Variants in ZSCAN2 observed in about 807,000 individuals in gnomAD.
ZSCAN2 encodes the protein zinc finger and SCAN domain-containing protein 2.
A neutral mutation model predicts 47.8 loss-of-function variants in ZSCAN2; 26 were observed. The ratio of observed to expected loss-of-function variants is 0.54; its 90% CI spans 0.40 to 0.75. ZSCAN2 has a LOEUF of 0.75. Among genes scored for constraint, ZSCAN2 ranks in the 30% least tolerant of loss-of-function variants. The pLI, the probability that ZSCAN2 is intolerant of heterozygous loss-of-function variation, is 0.00. For synonymous variants in ZSCAN2, 305 were observed against 288.7 expected, an observed-to-expected ratio of 1.06 and a Z score of -0.57; for missense variants, 732 against 785.4, an observed-to-expected ratio of 0.93 and a Z score of 0.81.
chr15:84,621,053 C>G lies in ZSCAN2; in HGVS notation c.858C>G (p.Ser286Arg). ...ACAAATGCAGAGACTGTGGGAAGAG[C>G]TTTAGCCGGAGTGCCAACCTCATAA... ...KPYKCRDCGK[S>R]FSRSANLITH... Residue 286 changes from serine to arginine, a missense_variant, in exon 3 of 3, where the codon AGC becomes AGG. Ser to Arg is a moderately radical substitution (Grantham distance 110). This residue lies in a region of ZSCAN2 where 412 missense variants were observed against 498.0 expected (regional missense o/e 0.83). Coordinates refer to ENST00000546148, the MANE Select transcript of ZSCAN2 (RefSeq NM_181877.4). The surrounding 1 kb of genome is among the most constrained non-coding windows in gnomAD (Gnocchi z 5.7). The G allele has an allele frequency of 6.2e-7, 1 of 1,614,156 alleles. No homozygotes were observed. The highest frequency in any genetic ancestry group is 1.3e-5 in the African/African-American group (1 of 75,056).
At chr15:84,603,008 G>A (rs931954509) in intron 1 of ZSCAN2, among the ~76,000 whole-genome samples, 1 of 152,130 alleles carries the variant, frequency 6.6e-6, no homozygotes, top group South Asian at 2.1e-4. Context: ...CTGAGGGGCC[G>A]AGGCTGGATT....
chr15:84,615,245 C>T (rs1286188825), intron 2 of ZSCAN2, among the ~76,000 whole-genome samples: 4 of 152,300 alleles, frequency 2.6e-5, no homozygotes, highest in Non-Finnish European at 5.9e-5. Flanking sequence ...TGAGCCACCA[C>T]GCCTGGCCTT....
In ZSCAN2 at chr15:84,621,050, G is replaced by A. The variant is rs777180755; in HGVS notation, c.855G>A (p.Lys285=). 1.2e-5 allele frequency: 19 copies of A among 1,614,002 alleles called. No homozygotes were observed. The highest frequency in any genetic ancestry group is 1.5e-5 in the Non-Finnish European group (18 of 1,180,036). Residue 285 remains lysine (K), a synonymous_variant, in exon 3 of 3, where the codon AAG becomes AAA. Transcript: ENST00000546148. The surrounding 1 kb of genome is among the most constrained non-coding windows in gnomAD (Gnocchi z 5.7). ...EKPYKCRDCG[K]SFSRSANLIT... ...CCTACAAATGCAGAGACTGTGGGAA[G>A]AGCTTTAGCCGGAGTGCCAACCTCA...
At chr15:84,618,136 G>A (rs113439226) in intron 2 of ZSCAN2, among the ~76,000 whole-genome samples, 1 of 152,120 alleles carries the variant, frequency 6.6e-6, no homozygotes, top group African/African-American at 2.4e-5. Context: ...GTCACTAGGA[G>A]TTCGAGCGCG....
Position 84,622,074 on chromosome 15 carries a change from G to A in ZSCAN2, c.*34G>A, listed in dbSNP as rs200001616. Reference sequence around the variant, plus strand: ...AGAGTGAAAGTGAGGGACTGGCCTGGAGTGGGAGTTGCCACACTGCCCCAA... The same window carrying A: ...AGAGTGAAAGTGAGGGACTGGCCTGAAGTGGGAGTTGCCACACTGCCCCAA... On this transcript the variant is annotated 3_prime_UTR_variant, in exon 3 of 3. Transcript: ENST00000546148. The A allele has an allele frequency of 7.0e-4, 1,070 of 1,535,942 alleles. 13 individuals carry two copies. In the South Asian group the frequency reaches 0.013, roughly 18 times the overall value.
At chr15:84,617,655 G>A (rs2141792997) in intron 2 of ZSCAN2, among the ~76,000 whole-genome samples, 1 of 152,156 alleles carries the variant, frequency 6.6e-6, no homozygotes, top group African/African-American at 2.4e-5. Context: ...GTGATCTTAT[G>A]GCCAGGCATG....
At chr15:84,620,390 G>T (rs1254587964) in intron 2 of ZSCAN2, among the ~76,000 whole-genome samples, 1 of 152,130 alleles carries the variant, frequency 6.6e-6, no homozygotes, top group Non-Finnish European at 1.5e-5. Flanking sequence ...TGTGAATAGT[G>T]CAGCATTGAA....
chr15:84,606,852 CT>C (rs1895397357), intron 2 of ZSCAN2: 3 of 1,208,092 alleles, frequency 2.5e-6, no homozygotes, highest in Non-Finnish European at 3.1e-6. Flanking sequence ...CTTTGTTGGT[CT>C]TTGTTTAATA....
chr15:84,620,499 T>C, intron 2 of ZSCAN2, 103 bp from the exon 3 acceptor site: 1 of 1,008,312 alleles, frequency 9.9e-7, no homozygotes, highest in Non-Finnish European at 1.5e-6. Flanking sequence ...AGCCTCTTTG[T>C]GTTCACTGGA....
At chr15:84,601,798 G>T (rs2141751283) in intron 1 of ZSCAN2, among the ~76,000 whole-genome samples, 1 of 152,014 alleles carries the variant, frequency 6.6e-6, no homozygotes, top group South Asian at 2.1e-4. Flanking sequence ...TTCCCTCCTC[G>T]GCCTCCCAAA....
chr15:84,603,337 G>A (rs558935218), intron 1 of ZSCAN2, among the ~76,000 whole-genome samples: 7 of 151,560 alleles, frequency 4.6e-5, no homozygotes, highest in Non-Finnish European at 1.0e-4. Context: ...GTTTTGGAAG[G>A]AACAATGCTG....
In ZSCAN2 at chr15:84,622,834, G is replaced by A. The variant is rs765432787; in HGVS notation, c.*794G>A. ...ACCAGGGGAACACATTTGTTCTCGT[G>A]GGGTTTTGTCCTGGAGAGTGTAGTG... On this transcript the variant is annotated 3_prime_UTR_variant, in exon 3 of 3. Coordinates refer to ENST00000546148, the MANE Select transcript of ZSCAN2 (RefSeq NM_181877.4). The A allele has an allele frequency of 1.1e-5, 7 of 629,518 alleles. No homozygotes were observed. Among genetic ancestry groups the A allele is most frequent in the Non-Finnish European group, 1.7e-5 (6 of 345,504 alleles). 39.0% of individuals were successfully genotyped at this position (629,518 alleles called of 1,614,324 possible).
intron 2 of ZSCAN2, among the ~76,000 whole-genome samples, chr15:84,604,901 C>A (rs1331385176): frequency 6.6e-6 from 1 of 152,026 alleles, no homozygotes; most frequent in Non-Finnish European, 1.5e-5. Context: ...CCACGCCCGG[C>A]TAATTTTTTT....
intron 2 of ZSCAN2, among the ~76,000 whole-genome samples, chr15:84,614,203 G>T (rs1567010400): frequency 6.6e-6 from 1 of 151,592 alleles, no homozygotes; most frequent in Non-Finnish European, 1.5e-5. Flanking sequence ...TGTTGCTCAG[G>T]CTGGTCTTGA....
rs1567012471 is a variant in ZSCAN2, at chr15:84,619,926, G to GTTTTTTTTTTTTTTTTT, written c.407-676_407-675insTTTTTTTTTTTTTTTTT. 1.0e-4 allele frequency among the ~76,000 whole-genome samples: 3 copies of GTTTTTTTTTTTTTTTTT among 28,672 alleles called. 1 individual carries two copies. The allele number at this position is 28,672 out of a possible 152,430, so 18.8% of individuals were successfully genotyped here. A position where few individuals can be genotyped will look rare whatever the true frequency, so the allele number is the denominator to read the frequency against. On this transcript the variant is annotated intron_variant, in intron 2 of 2. Transcript: ENST00000546148. ...AGTCAGAATGAAATAAGCCTGGGTT[G>GTTTTTTTTTTTTTTTTT]GTTTTTTTTTTTTTTTTTTTCCATC... is the stretch of plus-strand genomic sequence containing the variant.
chr15:84,614,778 C>T (rs1453789993), intron 2 of ZSCAN2: 1 of 151,866 alleles, frequency 6.6e-6, no homozygotes, highest in Non-Finnish European at 1.5e-5. Flanking sequence ...TGCCACCACA[C>T]CCAGCCTGAA....
chr15:84,614,006 T>TTTTTC (rs57369477), intron 2 of ZSCAN2, among the ~76,000 whole-genome samples: 65 of 116,100 alleles, frequency 5.6e-4, no homozygotes, highest in East Asian at 2.2e-3. Context: ...TTTTTTTTTT[T>TTTTTC]CAGAGACAGA....
intron 2 of ZSCAN2, among the ~76,000 whole-genome samples, chr15:84,607,951 C>T (rs1895430819): frequency 6.6e-6 from 1 of 152,212 alleles, no homozygotes; most frequent in Non-Finnish European, 1.5e-5. Flanking sequence ...CCCAGTTCCA[C>T]ACACCTGGGA....
Position 84,621,364 on chromosome 15 carries a change from A to T in ZSCAN2, c.1169A>T (p.Tyr390Phe), listed in dbSNP as rs778850514. Residue 390 changes from tyrosine (Y) to phenylalanine (F), a missense_variant, in exon 3 of 3, where the codon TAC (tyrosine) becomes TTC (phenylalanine). By Grantham distance (22) the Tyr-to-Phe change is conservative (BLOSUM62 3). This residue lies in a region of ZSCAN2 where 412 missense variants were observed against 498.0 expected (regional missense o/e 0.83). Transcript: ENST00000546148. The surrounding 1 kb of genome is among the most constrained non-coding windows in gnomAD (Gnocchi z 5.7). ...AGAATCCACACAGGAGAGAAACCCTACAAATGTACCGACTGTGGGCAGAGG... is the reference window on the plus strand; with the variant it reads ...AGAATCCACACAGGAGAGAAACCCTTCAAATGTACCGACTGTGGGCAGAGG... ...HQRIHTGEKP[Y>F]KCTDCGQRFS... is the part of the protein sequence containing the mutation. The T allele has an allele frequency of 2.5e-6, 4 of 1,614,162 alleles. No homozygotes were observed. The highest frequency in any genetic ancestry group is 1.7e-6 in the Non-Finnish European group (2 of 1,180,024).
Sources: allele counts gnomAD v4.1 joint callset (sites outside exome capture counted in the v4.1 genomes callset), GRCh38; gene constraint gnomAD v4.1.1; regional missense constraint gnomAD v4.1.1; non-coding constraint Gnocchi (gnomAD v3.1); transcripts MANE v1.5; gene names NCBI Gene and HGNC (gene_info 2026-07-23, HGNC 2026-07-21).